SPG21: variants seen among roughly 807,000 people sequenced by gnomAD.
SPG21 encodes the protein SPG21 abhydrolase domain containing, maspardin.
SPG21 carries 26 observed loss-of-function variants against 38.9 expected under a neutral mutation model. The observed-to-expected ratio is 0.67, with a 90% CI of 0.49 to 0.93. SPG21 has a LOEUF of 0.93. SPG21 is among the 40% of genes least tolerant of loss of function. SPG21 has a pLI of 0.00. For missense variants in SPG21, 333 were observed against 376.5 expected (o/e 0.88, Z 0.96); for synonymous variants, 136 against 128.9 (o/e 1.05, Z -0.37).
chr15:64,973,494 T>G (rs1184666355), intron 5 of SPG21, among the ~76,000 whole-genome samples: 1 of 151,960 alleles, frequency 6.6e-6, no homozygotes, highest in Non-Finnish European at 1.5e-5. Flanking sequence ...TCCTGTTGCC[T>G]AGGCTGGAGT....
rs1242461769 is a variant in SPG21, at chr15:64,983,506, C to A, written c.63+1G>T. 3 of 1,570,702 alleles carry A rather than the reference C, an allele frequency of 1.9e-6. No homozygotes were observed. Among genetic ancestry groups the A allele is most frequent in the Non-Finnish European group, 2.6e-6 (3 of 1,152,846 alleles). On this transcript the variant is annotated splice_donor_variant, in intron 2 of 8. Transcript: ENST00000204566. LOFTEE classifies it high-confidence loss of function. ...AAGAGGTATAGTAAAACCATACATA[C>A]CTTTTTAAGGGGAACTGTACCTCTA... is the stretch of plus-strand genomic sequence containing the variant.
chr15:64,978,034 T>C (rs1012881621), intron 3 of SPG21, among the ~76,000 whole-genome samples: 1 of 146,498 alleles, frequency 6.8e-6, no homozygotes, highest in African/African-American at 2.5e-5. Context: ...GGTTTCACCA[T>C]GTTAGCCAGG....
At chr15:64,971,844 T>A (rs1274023851) in intron 5 of SPG21, among the ~76,000 whole-genome samples, 1 of 151,954 alleles carries the variant, frequency 6.6e-6, no homozygotes, top group African/African-American at 2.4e-5. Flanking sequence ...AAAAGAAAAT[T>A]TTTTTTCTGT....
At chr15:64,985,357 T>A (rs2085970384) in intron 1 of SPG21, among the ~76,000 whole-genome samples, 1 of 152,210 alleles carries the variant, frequency 6.6e-6, no homozygotes, top group African/African-American at 2.4e-5. Context: ...GCAGGCATTA[T>A]CTGTTGATTG....
chr15:64,983,126 C>T (rs191034107), intron 2 of SPG21: 12 of 289,816 alleles, frequency 4.1e-5, no homozygotes, highest in Admixed American at 7.7e-5. Context: ...AGTGTGGTAG[C>T]GCATGCCTGT....
chr15:64,973,305 A>G (rs2085708087), intron 5 of SPG21, among the ~76,000 whole-genome samples: 1 of 152,082 alleles, frequency 6.6e-6, no homozygotes, highest in African/African-American at 2.4e-5. Flanking sequence ...TCGCCTTGCC[A>G]GCAATGAAAG....
intron 1 of SPG21, chr15:64,988,707 C>G (rs908802752): frequency 6.6e-6 from 1 of 152,284 alleles, no homozygotes; most frequent in African/African-American, 2.4e-5. Context: ...CAGTGGCCAG[C>G]CGCGATGGCT....
At chr15:64,975,481 T>C (rs1378012245) in intron 4 of SPG21, among the ~76,000 whole-genome samples, 4 of 149,984 alleles carry the variant, frequency 2.7e-5, no homozygotes, top group African/African-American at 9.8e-5. Flanking sequence ...TGAGCCATGA[T>C]TGCACCACCG....
chr15:64,983,816 C>G (rs1595880103), intron 1 of SPG21, among the ~76,000 whole-genome samples: 1 of 148,250 alleles, frequency 6.7e-6, no homozygotes, highest in Non-Finnish European at 1.5e-5. Context: ...CAGTCTCAGT[C>G]TTGTTGCCCA....
Position 64,965,473 on chromosome 15 carries a change from C to T in SPG21, c.670-13G>A, listed in dbSNP as rs115421171. ...TCTGATCAAACACCTTTAAAAAACA[C>T]AAAGCTTCAGCACCATAGGAAAGGT... is the stretch of plus-strand genomic sequence containing the variant. On this transcript the variant is annotated splice_polypyrimidine_tract_variant and intron_variant, in intron 7 of 8. Transcript: ENST00000204566. 3 of 1,614,128 alleles carry T rather than the reference C, an allele frequency of 1.9e-6. No homozygotes were observed. In the African/African-American group the frequency reaches 4.0e-5, roughly 22 times the overall value.
chr15:64,971,522 G>C (rs1200272558), intron 5 of SPG21, among the ~76,000 whole-genome samples: 1 of 150,844 alleles, frequency 6.6e-6, no homozygotes, highest in Admixed American at 6.6e-5. Flanking sequence ...CTGGGCGACA[G>C]AGCCAGACTC....
At position 64,967,021 on chromosome 15, in the gene SPG21, C is replaced by T. The variant is rs183872984; in HGVS notation, c.670-1561G>A. Among the ~76,000 whole-genome samples the T allele has an allele frequency of 1.7e-3, 252 of 151,912 alleles. 1 individual carries two copies. The highest frequency in any genetic ancestry group is 5.4e-4 in the Non-Finnish European group (37 of 67,956). The stretch of plus-strand genomic sequence containing the variant: ...AGTAAATTGAAACCATAGTGAGATA[C>T]CAATTCATATCCATTAGGATAAGTA... On this transcript the variant is annotated intron_variant, in intron 7 of 8. Coordinates refer to ENST00000204566, the MANE Select transcript of SPG21 (RefSeq NM_016630.7).
chr15:64,965,427 T>C lies in SPG21; in HGVS notation c.703A>G (p.Lys235Glu). The change falls in exon 8 of 9, where the codon AAA (lysine) becomes GAA (glutamate). Residue 235 changes from lysine (K) to glutamate (E), a missense_variant. Coordinates refer to ENST00000204566, the MANE Select transcript of SPG21 (RefSeq NM_016630.7). Reference protein sequence around the residue: ...FDQSALSTEAKEEMYKLYPNA... With the variant: ...FDQSALSTEAEEEMYKLYPNA... ...GGATACAGCTTGTACATTTCTTCTT[T>C]AGCTTCAGTTGAAAGCGCACTCTGA... 1 of 1,614,192 alleles carries C rather than the reference T, an allele frequency of 6.2e-7. No individual in the cohort carries two copies. The highest frequency in any genetic ancestry group is 8.5e-7 in the Non-Finnish European group (1 of 1,180,038).
In SPG21 at chr15:64,974,726, A is replaced by C. The variant is rs746258657; in HGVS notation, c.328T>G (p.Leu110Val). The C allele has an allele frequency of 1.2e-6, 2 of 1,614,142 alleles. No homozygotes were observed. The highest frequency in any genetic ancestry group is 1.7e-6 in the Non-Finnish European group (2 of 1,180,010). Residue 110 changes from leucine to valine, a missense_variant, in exon 5 of 9, where the codon TTG becomes GTG. Physicochemically the swap from Leu to Val is conservative, Grantham distance 32. Coordinates refer to ENST00000204566, the MANE Select transcript of SPG21 (RefSeq NM_016630.7). ...AATTTCTGGGCCAAAAAGCCTCCCA[A>C]AGAAGCGCCAAAAAGATGAACCTAA... is the stretch of plus-strand genomic sequence containing the variant. ...LDKVHLFGAS[L>V]GGFLAQKFAE...
At chr15:64,982,762 A>G (rs2085907781) in intron 2 of SPG21, among the ~76,000 whole-genome samples, 1 of 152,194 alleles carries the variant, frequency 6.6e-6, no homozygotes, top group African/African-American at 2.4e-5. Flanking sequence ...ATCCCAGGAA[A>G]ATAAAGCTTC....
chr15:64,964,248 T>TG (rs1451626648), intron 8 of SPG21, among the ~76,000 whole-genome samples: 5 of 152,218 alleles, frequency 3.3e-5, no homozygotes, highest in African/African-American at 1.2e-4. Context: ...CCTCACTCCC[T>TG]GAGCAGTCTC....
rs11071822 is a variant in SPG21, at chr15:64,989,853, G to A, written c.-213C>T. 76,625 of 146,586 alleles carry A rather than the reference G, an allele frequency of 0.52. 20,102 individuals are homozygous for A. Among genetic ancestry groups the A allele is most frequent in the East Asian group, 0.85 (4,346 of 5,140 alleles). 9.1% of individuals were successfully genotyped at this position (146,586 alleles called of 1,614,324 possible). On this transcript the variant is annotated 5_prime_UTR_variant, in exon 1 of 9. Transcript: ENST00000204566. ...CTCTGAGGGGGCGGGGCGCGTGGCC[G>A]AGCGAGCTTGGGCCGCCGCGCTCCC...
chr15:64,969,129 G>C (rs1444252971), intron 7 of SPG21, 126 bp downstream of exon 7: 6 of 703,354 alleles, frequency 8.5e-6, no homozygotes, highest in Non-Finnish European at 1.5e-5. Context: ...AAAGCTGGAG[G>C]GTAAAAACAA....
intron 3 of SPG21, among the ~76,000 whole-genome samples, chr15:64,980,630 C>G (rs2085864585): frequency 6.6e-6 from 1 of 151,652 alleles, no homozygotes; most frequent in Non-Finnish European, 1.5e-5. Context: ...CCCAGCTACT[C>G]GGGAGGCTGA....
Sources: allele counts gnomAD v4.1 joint callset (sites outside exome capture counted in the v4.1 genomes callset), GRCh38; gene constraint gnomAD v4.1.1; transcripts MANE v1.5; gene names NCBI Gene and HGNC (gene_info 2026-07-23, HGNC 2026-07-21).